The following ZBTB4 variants were observed in gnomAD, a reference collection of about 807,000 sequenced individuals.
The protein encoded by ZBTB4 is zinc finger and BTB domain containing 4.
Under a neutral mutation model 59.8 loss-of-function variants are expected in ZBTB4, and 14 were observed. The observed-to-expected ratio is 0.23, with a 90% confidence interval of 0.15 to 0.37. The LOEUF is 0.37. Ranked by LOEUF, ZBTB4 falls within the 10% of genes least tolerant of loss-of-function variation. The pLI, the probability that ZBTB4 is intolerant of heterozygous loss-of-function variation, is 1.00. For missense variants in ZBTB4, 1,198 were observed against 1,380.8 expected, an observed-to-expected ratio of 0.87 and a Z score of 2.10; for synonymous variants, 587 against 575.2, an observed-to-expected ratio of 1.02 and a Z score of -0.29.
In ZBTB4 at chr17:7,462,729, G is replaced by A. The variant is rs1326503731; in HGVS notation, c.2253C>T (p.Gly751=). Residue 751 remains glycine (G), a synonymous_variant, in exon 4 of 4, where the codon GGC becomes GGT. Transcript: ENST00000380599. The surrounding 1 kb of genome is among the most constrained non-coding windows in gnomAD (Gnocchi z 7.5). ...TCCGTCCGGCCCGGGAGCTGTGGGA[G>A]CCCCCACCGTGGGCCTCTTGGTGCT... ...LRKHQEAHGG[G]SHSSRAGRRP... is the part of the protein sequence containing the mutation. The A allele has an allele frequency of 1.2e-6, 2 of 1,603,826 alleles. No homozygotes were observed. The highest frequency in any genetic ancestry group is 1.7e-6 in the Non-Finnish European group (2 of 1,179,780).
At position 7,462,656 on chromosome 17, in the gene ZBTB4, T is replaced by C; in HGVS notation, c.2326A>G (p.Thr776Ala). ...TCPHCAKVCK[T>A]AAALSRHGQR... ...CCGTGGCGGCTCAGGGCAGCTGCGG[T>C]CTTGCACACCTTGGCGCAGTGGGGG... is the stretch of plus-strand genomic sequence containing the variant. The change falls in exon 4 of 4, where the codon ACC (threonine) becomes GCC (alanine). Residue 776 changes from threonine to alanine, a missense_variant. Physicochemically the swap from Thr to Ala is moderately conservative, Grantham distance 58. Coordinates refer to ENST00000380599, the MANE Select transcript of ZBTB4 (RefSeq NM_001128833.2). This position sits in a 1 kb window ranked among gnomAD's most constrained non-coding sequence, Gnocchi z 7.5. The C allele has an allele frequency of 6.2e-7, 1 of 1,608,456 alleles. No individual in the cohort carries two copies. The highest frequency in any genetic ancestry group is 1.1e-5 in the South Asian group (1 of 90,716).
Position 7,466,795 on chromosome 17 carries a change from G to T in ZBTB4, c.7C>A (p.Pro3Thr). 1 of 1,562,386 alleles carries T rather than the reference G, an allele frequency of 6.4e-7. No individual in the cohort carries two copies. Among genetic ancestry groups the T allele is most frequent in the Non-Finnish European group, 8.6e-7 (1 of 1,156,116 alleles). ...GACGGGTCCGTCACCTCTGCAGGGG[G>T]GGGCATGGTGCCAGCCTAGACAGTG... MP[P>T]PAEVTDPSHA... Residue 3 changes from proline (P) to threonine (T), a missense_variant, in exon 3 of 4, where the codon CCC becomes ACC. Transcript: ENST00000380599. The surrounding 1 kb of genome is among the most constrained non-coding windows in gnomAD (Gnocchi z 9.1).
At chr17:7,477,616 A>C (rs2070286586) in intron 1 of ZBTB4, among the ~76,000 whole-genome samples, 1 of 152,200 alleles carries the variant, frequency 6.6e-6, no homozygotes. Context: ...AGGTGAGGAA[A>C]ACCTGTTCTG....
chr17:7,463,509 T>C lies in ZBTB4; in HGVS notation c.1473A>G (p.Gly491=). 1.9e-6 allele frequency: 3 copies of C among 1,561,818 alleles called. No homozygotes were observed. The highest frequency in any genetic ancestry group is 1.4e-5 in the African/African-American group (1 of 73,740). Residue 491 remains glycine, a synonymous_variant, in exon 4 of 4, where the codon GGA becomes GGG. Transcript: ENST00000380599. ...VIVHGGSSSG[G]GGSGTASTGG... is the part of the protein sequence containing the mutation. ...CTGTGCTGGCCGTCCCACTCCCCCC[T>C]CCACCACTGCTACTGCCCCCATGGA...
At chr17:7,481,591 TA>T, upstream of ZBTB4, 1 of 1,147,886 alleles carries the variant, frequency 8.7e-7, no homozygotes, top group Non-Finnish European at 1.2e-6. Flanking sequence ...CCTCCTTTCC[TA>T]AAACTTAGCT....
intron 3 of ZBTB4, among the ~76,000 whole-genome samples, chr17:7,465,463 C>CAA (rs71157289): frequency 9.6e-5 from 8 of 82,972 alleles, no homozygotes; most frequent in Admixed American, 1.2e-4. Context: ...GGCTCTGTCT[C>CAA]AAAAAAAAAA....
Position 7,466,498 on chromosome 17 carries a change from A to C in ZBTB4, c.304T>G (p.Ser102Ala), listed in dbSNP as rs201757331. 130 of 1,608,196 alleles carry C rather than the reference A, an allele frequency of 8.1e-5. No individual in the cohort carries two copies. The highest frequency in any genetic ancestry group is 1.5e-4 in the Admixed American group (9 of 58,690). ...SSSSSSSSSA[S>A]SSSSSSSSSP... Reference sequence around the variant, plus strand: ...GAAGAGGAAGAGGAAGAAGAAGAAGAAGCAGAGGAGGAAGAAGAGGAAGAA... The same window carrying C: ...GAAGAGGAAGAGGAAGAAGAAGAAGCAGCAGAGGAGGAAGAAGAGGAAGAA... The change falls in exon 3 of 4, where the codon TCT (serine) becomes GCT (alanine). Residue 102 changes from serine to alanine, a missense_variant. By Grantham distance (99) the Ser-to-Ala change is moderately conservative (BLOSUM62 1). Around this residue, in one of 9 missense-constraint regions of ZBTB4, gnomAD observed 83 missense variants for 76.5 expected, o/e 1.09. Transcript: ENST00000380599. The surrounding 1 kb of genome is among the most constrained non-coding windows in gnomAD (Gnocchi z 9.1).
chr17:7,460,333 G>T lies in ZBTB4; in HGVS notation c.*1607C>A, dbSNP rs2070002918. On this transcript the variant is annotated 3_prime_UTR_variant, in exon 4 of 4. Coordinates refer to ENST00000380599, the MANE Select transcript of ZBTB4 (RefSeq NM_001128833.2). ...ATATGCTGGGAGGGTATGAGGGGTA[G>T]GAGGATGGTCCTGGCCCTCCCTAAA... 1 of 152,764 alleles carries T rather than the reference G, an allele frequency of 6.5e-6. No individual in the cohort carries two copies. The highest frequency in any genetic ancestry group is 1.9e-4 in the East Asian group (1 of 5,188). 9.5% of individuals were successfully genotyped at this position (152,764 alleles called of 1,614,324 possible). A position where few individuals can be genotyped will look rare whatever the true frequency, so the allele number is the denominator to read the frequency against.
intron 1 of ZBTB4, among the ~76,000 whole-genome samples, chr17:7,475,401 C>T (rs537736053): frequency 8.5e-5 from 13 of 152,146 alleles, no homozygotes; most frequent in African/African-American, 2.9e-4. Context: ...CACAATTTGC[C>T]TCATACTCTT....
chr17:7,473,110 ATTT>A (rs71157291), intron 1 of ZBTB4, among the ~76,000 whole-genome samples: 11 of 64,884 alleles, frequency 1.7e-4, no homozygotes, highest in Admixed American at 5.9e-4. Flanking sequence ...GCGCGCCACC[ATTT>A]TTTTTTTTTT....
chr17:7,462,456 G>A lies in ZBTB4; in HGVS notation c.2526C>T (p.Ser842=), dbSNP rs200487114. ...TAGGGTCCTGGAGTGAGGCGGTCTC[G>A]GAAGCTTCCTCAGCAGCAGTGCTCC... ...GGGSTAAEEA[S]ETASLQDPII... Residue 842 remains serine, a synonymous_variant, in exon 4 of 4, where the codon TCC becomes TCT. Transcript: ENST00000380599. This position sits in a 1 kb window ranked among gnomAD's most constrained non-coding sequence, Gnocchi z 7.5. 23 of 1,613,812 alleles carry A rather than the reference G, an allele frequency of 1.4e-5. No homozygotes were observed. Among genetic ancestry groups the A allele is most frequent in the African/African-American group, 5.3e-5 (4 of 75,042 alleles).
intron 1 of ZBTB4, among the ~76,000 whole-genome samples, chr17:7,471,360 T>C (rs2070195056): frequency 6.6e-6 from 1 of 152,150 alleles, no homozygotes. Flanking sequence ...ATTTATTTAT[T>C]TACTTTTGTA....
At chr17:7,480,850 T>C (rs2070336043), upstream of ZBTB4, among the ~76,000 whole-genome samples, 2 of 151,562 alleles carry the variant, frequency 1.3e-5, no homozygotes, top group Admixed American at 1.3e-4. Flanking sequence ...CATGGAGACA[T>C]AAATAGAAAA....
rs1177551888 is a variant in ZBTB4 at position 7,460,581 on chromosome 17, A to G, written c.*1359T>C. 4 of 152,316 alleles carry G rather than the reference A, an allele frequency of 2.6e-5. No individual in the cohort carries two copies. Among genetic ancestry groups the G allele is most frequent in the Admixed American group, 6.5e-5 (1 of 15,268 alleles). 9.4% of individuals were successfully genotyped at this position (152,316 alleles called of 1,614,324 possible). A position where few individuals can be genotyped will look rare whatever the true frequency, so the allele number is the denominator to read the frequency against. ...TTTGGGGGGAGGTGGGTGGGATGGG[A>G]AATATTTATCCAATCACAGAGCAGG... On this transcript the variant is annotated 3_prime_UTR_variant, in exon 4 of 4. Coordinates refer to ENST00000380599, the MANE Select transcript of ZBTB4 (RefSeq NM_001128833.2).
intron 2 of ZBTB4, among the ~76,000 whole-genome samples, chr17:7,467,011 C>G (rs1333399877): frequency 6.6e-6 from 1 of 152,206 alleles, no homozygotes; most frequent in Non-Finnish European, 1.5e-5. Context: ...GTCTAACTCA[C>G]TTCTGAGGCT....
Position 7,463,467 on chromosome 17 carries a change from G to A in ZBTB4, c.1515C>T (p.Ala505=), listed in dbSNP as rs908263907. 9.1e-6 allele frequency: 14 copies of A among 1,537,878 alleles called. No individual in the cohort carries two copies. The highest frequency in any genetic ancestry group is 1.2e-5 in the Non-Finnish European group (14 of 1,141,802). Residue 505 remains alanine (A), a synonymous_variant, in exon 4 of 4, where the codon GCC becomes GCT. Transcript: ENST00000380599. ...GGGGAGCAGTGTAAGTGATAACCGA[G>A]GCAGCTTGGGACCCTCCTGTGCTGG... ...GTASTGGSQA[A]SVITYTAPPR...
rs749921733 is a variant in ZBTB4, at chr17:7,465,966, G to C, written c.836C>G (p.Ala279Gly). 8.7e-6 allele frequency: 14 copies of C among 1,601,728 alleles called. No homozygotes were observed. The Admixed American group carries it at 2.4e-4, about 27-fold the overall frequency. The change falls in exon 3 of 4, where the codon GCA becomes GGA. Residue 279 changes from alanine (A) to glycine (G), a missense_variant. Physicochemically the swap from Ala to Gly is moderately conservative, Grantham distance 60. Around this residue, in one of 9 missense-constraint regions of ZBTB4, gnomAD observed 204 missense variants for 205.5 expected, o/e 0.99. Coordinates refer to ENST00000380599, the MANE Select transcript of ZBTB4 (RefSeq NM_001128833.2). The part of the protein sequence containing the change: ...GAGGAGPGGP[A>G]GVDASALPPP... ...AGGCAGGGCTGAGGCGTCCACCCCT[G>C]CAGGACCACCAGGGCCAGCGCCCCC...
intron 1 of ZBTB4, among the ~76,000 whole-genome samples, chr17:7,471,660 G>T (rs923144617): frequency 1.3e-5 from 2 of 152,216 alleles, no homozygotes; most frequent in African/African-American, 4.8e-5. Flanking sequence ...AAGTGGAAAA[G>T]ACTAGCTATG....
chr17:7,479,675 A>C (rs2070318705), upstream of ZBTB4: 1 of 100,112 alleles, frequency 1.0e-5, no homozygotes. Context: ...ACCCCCGGAA[A>C]CAGTCCCCCC....
Sources: allele counts gnomAD v4.1 joint callset (sites outside exome capture counted in the v4.1 genomes callset), GRCh38; gene constraint gnomAD v4.1.1; regional missense constraint gnomAD v4.1.1; non-coding constraint Gnocchi (gnomAD v3.1); transcripts MANE v1.5; gene names NCBI Gene and HGNC (gene_info 2026-07-23, HGNC 2026-07-21).